The following CDC42SE2 variants were observed in gnomAD, a reference collection of about 807,000 sequenced individuals.
The protein encoded by CDC42SE2 is CDC42 small effector protein 2.
In CDC42SE2, 3 loss-of-function variants were observed where a neutral mutation model predicts 11.5. The ratio of observed to expected loss-of-function variants is 0.26; its 90% CI spans 0.12 to 0.67. The LOEUF (loss-of-function observed/expected upper bound fraction) is 0.67. CDC42SE2 is among the 30% of genes least tolerant of loss of function. The pLI is 0.80. For missense variants in CDC42SE2, 82 were observed against 106.8 expected (o/e 0.77, Z 1.02); for synonymous variants, 33 against 34.8 (o/e 0.95, Z 0.18).
intron 4 of CDC42SE2, among the ~76,000 whole-genome samples, chr5:131,389,264 C>T (rs918769335): frequency 2.6e-5 from 4 of 152,118 alleles, no homozygotes; most frequent in African/African-American, 7.2e-5. Context: ...GGGAAGATGA[C>T]GAATTTGAAC....
intron 2 of CDC42SE2, among the ~76,000 whole-genome samples, chr5:131,344,386 G>A (rs1378591501): frequency 4.6e-5 from 7 of 152,184 alleles, no homozygotes; most frequent in Non-Finnish European, 7.3e-5. Flanking sequence ...CCATGCCCAC[G>A]GAGCCTCGCT....
intron 2 of CDC42SE2, among the ~76,000 whole-genome samples, chr5:131,353,028 G>A (rs1332086727): frequency 2.0e-5 from 3 of 151,900 alleles, no homozygotes; most frequent in Non-Finnish European, 2.9e-5. Context: ...CTGCAGTGGC[G>A]CGTCTTGGTG....
the CDC42SE2 span, among the ~76,000 whole-genome samples, chr5:131,222,916 T>G: frequency 6.6e-6 from 1 of 152,256 alleles, no homozygotes; most frequent in Non-Finnish European, 1.5e-5. Flanking sequence ...CTGCCAAGCT[T>G]TCAGCTTTGT....
chr5:131,254,861 G>A (rs763616418), intron 1 of CDC42SE2, among the ~76,000 whole-genome samples: 1 of 152,174 alleles, frequency 6.6e-6, no homozygotes, highest in Non-Finnish European at 1.5e-5. Flanking sequence ...TGGTTGCCAA[G>A]TATTACTTTA....
chr5:131,296,907 A>G (rs1383282019), intron 1 of CDC42SE2, among the ~76,000 whole-genome samples: 1 of 152,032 alleles, frequency 6.6e-6, no homozygotes, highest in Non-Finnish European at 1.5e-5. Flanking sequence ...ATTGAAGATT[A>G]TTATAAAAGA....
the CDC42SE2 span, among the ~76,000 whole-genome samples, chr5:131,212,487 A>G: frequency 3.3e-5 from 5 of 152,108 alleles, no homozygotes; most frequent in Non-Finnish European, 7.4e-5. Flanking sequence ...CCTTAGGCTT[A>G]TGGGTAGAGT....
chr5:131,343,154 C>T (rs746727361), intron 2 of CDC42SE2, among the ~76,000 whole-genome samples: 2 of 151,678 alleles, frequency 1.3e-5, no homozygotes, highest in African/African-American at 2.4e-5. Context: ...TCCCACCCAC[C>T]GAGAAGAGTA....
At chr5:131,273,110 G>T (rs1393684211) in intron 1 of CDC42SE2, among the ~76,000 whole-genome samples, 2 of 149,802 alleles carry the variant, frequency 1.3e-5, no homozygotes, top group East Asian at 1.9e-4. Flanking sequence ...ATCTCATTCT[G>T]TCTAGCTAGA....
At chr5:131,297,544 C>T (rs1467098224) in intron 1 of CDC42SE2, among the ~76,000 whole-genome samples, 2 of 151,830 alleles carry the variant, frequency 1.3e-5, no homozygotes, top group Non-Finnish European at 2.9e-5. Context: ...ATGATGAAAC[C>T]TCGTCTCTAC....
the CDC42SE2 span, among the ~76,000 whole-genome samples, chr5:131,231,826 C>G: frequency 6.6e-6 from 1 of 151,682 alleles, no homozygotes; most frequent in African/African-American, 2.4e-5. Context: ...GAGTCTCACT[C>G]TGTCGCCCAG....
intron 1 of CDC42SE2, among the ~76,000 whole-genome samples, chr5:131,286,107 T>G (rs1446075235): frequency 6.9e-6 from 1 of 145,634 alleles, no homozygotes; most frequent in Non-Finnish European, 1.5e-5. Context: ...CATGCTGGAG[T>G]GCAGTGACAT....
At chr5:131,373,566 C>T (rs1750070242) in intron 3 of CDC42SE2, among the ~76,000 whole-genome samples, 1 of 152,230 alleles carries the variant, frequency 6.6e-6, no homozygotes, top group African/African-American at 2.4e-5. Context: ...CATCTGATCA[C>T]TGTTCATTGA....
chr5:131,373,094 A>G (rs1276265430), intron 3 of CDC42SE2, among the ~76,000 whole-genome samples: 4 of 152,290 alleles, frequency 2.6e-5, no homozygotes, highest in African/African-American at 9.6e-5. Flanking sequence ...TTTTGTTCTC[A>G]TTTGATTTGA....
intron 1 of CDC42SE2, among the ~76,000 whole-genome samples, chr5:131,269,751 G>A (rs1756952372): frequency 6.6e-6 from 1 of 150,684 alleles, no homozygotes; most frequent in Non-Finnish European, 1.5e-5. Context: ...GCAACAGAGC[G>A]AGACTCCATC....
intron 2 of CDC42SE2, among the ~76,000 whole-genome samples, chr5:131,346,864 C>G (rs1429672740): frequency 1.3e-5 from 2 of 151,934 alleles, no homozygotes; most frequent in African/African-American, 2.4e-5. Flanking sequence ...CAAAATCACT[C>G]AACTACATGG....
intron 2 of CDC42SE2, among the ~76,000 whole-genome samples, chr5:131,336,987 C>G (rs559502031): frequency 1.6e-4 from 25 of 152,336 alleles, no homozygotes; most frequent in Admixed American, 1.6e-3. Flanking sequence ...CATTCTCTGT[C>G]CAGCTTTGTT....
chr5:131,360,779 T>C (rs1749683756), intron 3 of CDC42SE2, among the ~76,000 whole-genome samples: 1 of 152,064 alleles, frequency 6.6e-6, no homozygotes, highest in African/African-American at 2.4e-5. Flanking sequence ...AATATAATTG[T>C]ACACGTAACT....
At chr5:131,346,093 A>G (rs1758837119) in intron 2 of CDC42SE2, among the ~76,000 whole-genome samples, 1 of 152,228 alleles carries the variant, frequency 6.6e-6, no homozygotes, top group Admixed American at 6.5e-5. Context: ...AACTGCATCA[A>G]CTAACGAGCA....
chr5:131,242,721 G>T (rs1200627543), upstream of CDC42SE2, among the ~76,000 whole-genome samples: 1 of 152,116 alleles, frequency 6.6e-6, no homozygotes. Context: ...GGATTCAAAG[G>T]TTAGGTGGCT....
Sources: allele counts gnomAD v4.1 joint callset (sites outside exome capture counted in the v4.1 genomes callset), GRCh38; gene constraint gnomAD v4.1.1; transcripts MANE v1.5; gene names NCBI Gene and HGNC (gene_info 2026-07-23, HGNC 2026-07-21).